Variants in MAST4 observed in about 807,000 individuals in gnomAD.
The protein encoded by MAST4 is microtubule associated serine/threonine kinase family member 4, also known as microtubule-associated serine/threonine-protein kinase 4.
MAST4 carries 89 observed loss-of-function variants against 162.7 expected under a neutral mutation model. The ratio of observed to expected loss-of-function variants is 0.55; its 90% CI spans 0.46 to 0.65. MAST4 has a LOEUF of 0.65. Ranked by LOEUF, MAST4 falls within the 30% of genes least tolerant of loss-of-function variation. The pLI is 0.00. For synonymous variants in MAST4, 1,479 were observed against 1,361.1 expected, an observed-to-expected ratio of 1.09 and a Z score of -1.91; for missense variants, 3,153 against 3,374.0, an observed-to-expected ratio of 0.93 and a Z score of 1.62.
At chr5:66,768,239 C>T (rs1051510693) in intron 2 of MAST4, among the ~76,000 whole-genome samples, 3 of 152,168 alleles carry the variant, frequency 2.0e-5, no homozygotes, top group East Asian at 3.8e-4. Flanking sequence ...GTCAGGAGAA[C>T]TTGTTTGTAA....
intron 3 of MAST4, among the ~76,000 whole-genome samples, chr5:66,794,402 C>CTCT (rs1755553698): frequency 6.6e-6 from 1 of 152,126 alleles, no homozygotes; most frequent in South Asian, 2.1e-4. Context: ...AATGAATGAA[C>CTCT]TCTTGTACAG....
intron 3 of MAST4, among the ~76,000 whole-genome samples, chr5:66,800,481 G>T (rs1755863219): frequency 6.6e-6 from 1 of 152,100 alleles, no homozygotes; most frequent in Non-Finnish European, 1.5e-5. Flanking sequence ...TTATAAGTGG[G>T]AGCTAAATGA....
intron 4 of MAST4, among the ~76,000 whole-genome samples, chr5:67,018,539 A>G (rs537141890): frequency 9.8e-5 from 15 of 152,292 alleles, no homozygotes; most frequent in Admixed American, 7.2e-4. Context: ...CTTTGATACT[A>G]CATAGATGAA....
intron 1 of MAST4, among the ~76,000 whole-genome samples, chr5:66,700,394 A>G (rs1199636422): frequency 6.6e-6 from 1 of 152,116 alleles, no homozygotes; most frequent in East Asian, 1.9e-4. Flanking sequence ...TTAAGCCTTA[A>G]ATTTTGATAT....
chr5:66,845,085 T>TTATATTTATATATATATA (rs1554058454), intron 3 of MAST4, among the ~76,000 whole-genome samples: 1 of 57,972 alleles, frequency 1.7e-5, no homozygotes, highest in Admixed American at 2.3e-4. Flanking sequence ...TCACTAATCT[T>TTATATTTATATATATATA]TATATATATA....
chr5:66,834,504 G>A (rs750710876), intron 3 of MAST4, among the ~76,000 whole-genome samples: 1 of 152,136 alleles, frequency 6.6e-6, no homozygotes, highest in Non-Finnish European at 1.5e-5. Flanking sequence ...GCCAGACTCC[G>A]GGGCCCAGCA....
rs1442607787 is a variant in MAST4 at position 66,596,816 on chromosome 5, C to G, written c.161C>G (p.Pro54Arg). 9 of 1,317,710 alleles carry G rather than the reference C, an allele frequency of 6.8e-6. 1 individual carries two copies. In the South Asian group the frequency reaches 1.9e-4, roughly 28 times the overall value. 81.6% of individuals were successfully genotyped at this position (1,317,710 alleles called of 1,614,324 possible). A position where few individuals can be genotyped will look rare whatever the true frequency, so the allele number is the denominator to read the frequency against. ...GSETLSEEGE[P>R]GGFSREHQPP... ...GAAACTCTGTCGGAGGAAGGGGAGC[C>G]CGGCGGCTTCTCCAGAGAGCATCAG... The change falls in exon 1 of 29, where the codon CCC becomes CGC. Residue 54 changes from proline (P) to arginine (R), a missense_variant. Physicochemically the swap from Pro to Arg is moderately radical, Grantham distance 103. Around this residue, in one of 7 missense-constraint regions of MAST4, gnomAD observed 327 missense variants for 336.5 expected, o/e 0.97. Transcript: ENST00000403625.
intron 1 of MAST4, among the ~76,000 whole-genome samples, chr5:66,613,012 T>TTA (rs1743393432): frequency 6.6e-6 from 1 of 152,236 alleles, no homozygotes; most frequent in Admixed American, 6.5e-5. Context: ...TGGCTTTGTA[T>TTA]CTTATCAAGA....
At chr5:66,844,924 G>C (rs1049619596) in intron 3 of MAST4, among the ~76,000 whole-genome samples, 1 of 151,626 alleles carries the variant, frequency 6.6e-6, no homozygotes, top group Non-Finnish European at 1.5e-5. Context: ...AGCTTGGAGA[G>C]AGAAGGATGC....
chr5:66,906,134 G>C (rs1466963088), intron 4 of MAST4, among the ~76,000 whole-genome samples: 1 of 152,140 alleles, frequency 6.6e-6, no homozygotes, highest in Non-Finnish European at 1.5e-5. Flanking sequence ...AGTCACATTG[G>C]AATTTGGTCT....
chr5:67,131,688 G>T, intron 15 of MAST4, 125 bp from the exon 16 acceptor site: 1 of 873,992 alleles, frequency 1.1e-6, no homozygotes, highest in Non-Finnish European at 1.8e-6. Flanking sequence ...ATAGACTCCA[G>T]TTGTGACTAT....
At chr5:66,795,676 A>G (rs759944798) in intron 3 of MAST4, among the ~76,000 whole-genome samples, 7 of 138,046 alleles carry the variant, frequency 5.1e-5, no homozygotes, top group Non-Finnish European at 1.2e-4. Flanking sequence ...GATAAAGCGA[A>G]TGTGAAATTA....
At chr5:66,698,141 A>G (rs1749530813) in intron 1 of MAST4, among the ~76,000 whole-genome samples, 1 of 151,802 alleles carries the variant, frequency 6.6e-6, no homozygotes, top group South Asian at 2.1e-4. Flanking sequence ...GACTCCTGCA[A>G]AATCCCTTGC....
intron 3 of MAST4, among the ~76,000 whole-genome samples, chr5:66,865,762 G>T (rs1449344383): frequency 2.6e-5 from 4 of 152,160 alleles, no homozygotes; most frequent in Non-Finnish European, 5.9e-5. Context: ...AGTAAGTAAA[G>T]ATCAGCATTT....
chr5:66,883,906 T>C (rs929776239), intron 3 of MAST4, among the ~76,000 whole-genome samples: 8 of 152,226 alleles, frequency 5.3e-5, no homozygotes, highest in African/African-American at 1.9e-4. Context: ...TTTAGTCTTT[T>C]TTTTGGATGC....
At chr5:66,803,204 A>G (rs1276340275) in intron 3 of MAST4, among the ~76,000 whole-genome samples, 2 of 152,172 alleles carry the variant, frequency 1.3e-5, no homozygotes, top group African/African-American at 2.4e-5. Flanking sequence ...GTATTTCTCT[A>G]TATACATGAG....
intron 1 of MAST4, among the ~76,000 whole-genome samples, chr5:66,718,616 T>C (rs896597421): frequency 6.6e-6 from 1 of 152,166 alleles, no homozygotes; most frequent in Non-Finnish European, 1.5e-5. Flanking sequence ...GTTTTTTCTG[T>C]TTGAAAATAA....
At chr5:67,139,194 C>T (rs1770067407) in intron 19 of MAST4, among the ~76,000 whole-genome samples, 1 of 152,232 alleles carries the variant, frequency 6.6e-6, no homozygotes. Flanking sequence ...GCTGAGAATC[C>T]CGCAGGCCTG....
intron 1 of MAST4, among the ~76,000 whole-genome samples, chr5:66,750,488 C>T (rs1011680547): frequency 5.3e-5 from 8 of 152,204 alleles, no homozygotes; most frequent in African/African-American, 1.4e-4. Flanking sequence ...ACTTGGGAAG[C>T]GCAAGGGGTC....
Sources: gnomAD v4.1 joint callset for allele counts (sites outside exome capture counted in the v4.1 genomes callset) on GRCh38, gnomAD v4.1.1 for gene constraint, gnomAD v4.1.1 regional missense constraint, MANE v1.5 for transcripts, NCBI Gene and HGNC (gene_info 2026-07-23, HGNC 2026-07-21) for gene names.